Variants in RAB38 observed in about 807,000 individuals in gnomAD.
RAB38 encodes RAB38, member RAS oncogene family, also known as ras-related protein Rab-38.
RAB38 carries 15 observed loss-of-function variants against 18.4 expected under a neutral mutation model. That is an observed-to-expected ratio of 0.82 (90% confidence interval 0.55 to 1.26). The LOEUF (loss-of-function observed/expected upper bound fraction) is 1.26. RAB38 is among the 50% of genes most tolerant of loss of function. RAB38 has a pLI of 0.00. For missense variants in RAB38, 294 were observed against 267.4 expected, an observed-to-expected ratio of 1.10 and a Z score of -0.69; for synonymous variants, 101 against 104.4, an observed-to-expected ratio of 0.97 and a Z score of 0.20.
intron 2 of RAB38, among the ~76,000 whole-genome samples, chr11:88,145,347 C>T (rs1227910964): frequency 6.6e-6 from 1 of 152,108 alleles, no homozygotes; most frequent in African/African-American, 2.4e-5. Context: ...CGGGGTTTCA[C>T]CATGTTGGCC....
At chr11:87,885,987 G>T in the RAB38 span, among the ~76,000 whole-genome samples, 1 of 151,926 alleles carries the variant, frequency 6.6e-6, no homozygotes, top group East Asian at 2.0e-4. Flanking sequence ...CTGAGGCAGG[G>T]CTTGCATGTC....
chr11:88,052,967 A>T, the RAB38 span, among the ~76,000 whole-genome samples: 25 of 113,392 alleles, frequency 2.2e-4, no homozygotes, highest in East Asian at 2.4e-3. Flanking sequence ...GATATATATG[A>T]TATATATGTT....
At chr11:88,155,816 T>A (rs1943118510) in intron 1 of RAB38, among the ~76,000 whole-genome samples, 1 of 152,106 alleles carries the variant, frequency 6.6e-6, no homozygotes, top group East Asian at 1.9e-4. Flanking sequence ...AGGAGATAAA[T>A]CTTAAAAAGT....
the RAB38 span, among the ~76,000 whole-genome samples, chr11:87,956,986 G>A: frequency 6.6e-6 from 1 of 151,484 alleles, no homozygotes; most frequent in East Asian, 1.9e-4. Flanking sequence ...AGTTTTTTGG[G>A]GGGGGGTCCT....
the RAB38 span, among the ~76,000 whole-genome samples, chr11:87,839,033 T>C: frequency 6.6e-6 from 1 of 152,200 alleles, no homozygotes; most frequent in Admixed American, 6.5e-5. Context: ...TATGTTACTT[T>C]AGTAAAGTGT....
chr11:87,895,865 G>A, the RAB38 span, among the ~76,000 whole-genome samples: 1 of 151,584 alleles, frequency 6.6e-6, no homozygotes, highest in Non-Finnish European at 1.5e-5. Context: ...TGTGATGAGT[G>A]CTATAGAGGA....
At chr11:87,855,031 G>A in the RAB38 span, among the ~76,000 whole-genome samples, 7 of 152,180 alleles carry the variant, frequency 4.6e-5, no homozygotes, top group South Asian at 2.1e-4. Flanking sequence ...TCCTGACGTC[G>A]TGATCCACGT....
the RAB38 span, among the ~76,000 whole-genome samples, chr11:87,943,527 T>C: frequency 5.5e-4 from 83 of 152,232 alleles, no homozygotes; most frequent in African/African-American, 1.8e-3. Flanking sequence ...AAATGATTGA[T>C]AGAAAATAAG....
chr11:88,158,482 T>C (rs1170972881), intron 1 of RAB38, among the ~76,000 whole-genome samples: 2 of 151,888 alleles, frequency 1.3e-5, no homozygotes, highest in African/African-American at 4.8e-5. Context: ...AAAAGAAAAC[T>C]ACAGGCCAAT....
At chr11:87,893,390 A>ATATATATATATATTTTTTTT in the RAB38 span, among the ~76,000 whole-genome samples, 11 of 93,890 alleles carry the variant, frequency 1.2e-4, no homozygotes, top group African/African-American at 1.5e-4. Flanking sequence ...ATATATATAT[A>ATATATATATATATTTTTTTT]TTTTTTTTTT....
the RAB38 span, among the ~76,000 whole-genome samples, chr11:88,020,158 A>G: frequency 6.6e-6 from 1 of 152,312 alleles, no homozygotes; most frequent in East Asian, 1.9e-4. Context: ...AAATGAAAAG[A>G]CATAGAGGAG....
the RAB38 span, among the ~76,000 whole-genome samples, chr11:87,847,391 C>T: frequency 6.6e-6 from 1 of 151,918 alleles, no homozygotes; most frequent in Admixed American, 6.6e-5. Context: ...AAATTTGATC[C>T]TTTACATGAA....
At chr11:87,914,768 T>G in the RAB38 span, among the ~76,000 whole-genome samples, 1 of 152,202 alleles carries the variant, frequency 6.6e-6, no homozygotes, top group East Asian at 1.9e-4. Context: ...CCTGAGGGAC[T>G]GCTGCCCTGC....
chr11:88,135,944 T>C (rs990568445), intron 2 of RAB38, among the ~76,000 whole-genome samples: 2 of 152,210 alleles, frequency 1.3e-5, no homozygotes, highest in Non-Finnish European at 2.9e-5. Context: ...TCAAAGTGAC[T>C]GGGAATTATG....
the RAB38 span, among the ~76,000 whole-genome samples, chr11:88,089,616 G>A: frequency 6.6e-6 from 1 of 151,564 alleles, no homozygotes; most frequent in East Asian, 1.9e-4. Context: ...GTTTTTTTAT[G>A]CCATGGCACA....
chr11:88,046,413 C>T, the RAB38 span, among the ~76,000 whole-genome samples: 3 of 152,260 alleles, frequency 2.0e-5, no homozygotes, highest in Admixed American at 6.5e-5. Flanking sequence ...CTCCACAACC[C>T]GTTATTCTGT....
At chr11:88,013,444 G>GT in the RAB38 span, among the ~76,000 whole-genome samples, 270 of 151,592 alleles carry the variant, frequency 1.8e-3, 5 homozygotes, top group East Asian at 0.025. Flanking sequence ...TTTTGTTTTT[G>GT]TTTTTTTTTG....
the RAB38 span, among the ~76,000 whole-genome samples, chr11:88,005,983 G>A: frequency 6.6e-6 from 1 of 151,430 alleles, no homozygotes; most frequent in Non-Finnish European, 1.5e-5. Context: ...ACAGAGCCAT[G>A]CTGTTTTAGA....
the RAB38 span, among the ~76,000 whole-genome samples, chr11:88,006,358 A>C: frequency 4.0e-5 from 6 of 151,530 alleles, no homozygotes; most frequent in Non-Finnish European, 7.4e-5. Flanking sequence ...TATGAAAAAC[A>C]GTATGGAGTT....
Sources: allele counts gnomAD v4.1 joint callset (sites outside exome capture counted in the v4.1 genomes callset), GRCh38; gene constraint gnomAD v4.1.1; transcripts MANE v1.5; gene names NCBI Gene and HGNC (gene_info 2026-07-23, HGNC 2026-07-21).